Variants in TOB2 observed in about 807,000 individuals in gnomAD.
TOB2 encodes the protein protein Tob2.
TOB2 carries 3 observed loss-of-function variants against 17.3 expected under a neutral mutation model. That is an observed-to-expected ratio of 0.17 (90% CI 0.08 to 0.45). The LOEUF (loss-of-function observed/expected upper bound fraction) is 0.45, where lower values mean the gene tolerates loss of function less well. Among genes scored for constraint, TOB2 ranks in the 20% least tolerant of loss-of-function variants. The probability of loss-of-function intolerance (pLI) is 0.99; values close to 1 mark genes in which losing one functional copy is unlikely to be tolerated. For synonymous variants in TOB2, 163 were observed against 185.6 expected (o/e 0.88, Z 0.99); for missense variants, 407 against 445.7 (o/e 0.91, Z 0.78).
In TOB2 at chr22:41,436,184, T is replaced by C; in HGVS notation, c.*127A>G. On this transcript the variant is annotated 3_prime_UTR_variant, in exon 2 of 2. Coordinates refer to ENST00000327492, the MANE Select transcript of TOB2 (RefSeq NM_016272.4). The surrounding 1 kb of genome is among the most constrained non-coding windows in gnomAD (Gnocchi z 4.8). ...CCATTCCGTGCCTGGGCTGGATCTTTTTTCTAGAAGTAAGAGTGAGAAGAT... is the reference window on the plus strand; with the variant it reads ...CCATTCCGTGCCTGGGCTGGATCTTCTTTCTAGAAGTAAGAGTGAGAAGAT... 4.6e-6 allele frequency: 6 copies of C among 1,299,006 alleles called. No individual in the cohort carries two copies. Among genetic ancestry groups the C allele is most frequent in the Non-Finnish European group, 6.1e-6 (6 of 987,594 alleles). The allele number at this position is 1,299,006 out of a possible 1,614,324, so 80.5% of individuals were successfully genotyped here.
chr22:41,444,614 A>T (rs573069125), intron 1 of TOB2, among the ~76,000 whole-genome samples: 1 of 152,384 alleles, frequency 6.6e-6, no homozygotes, highest in African/African-American at 2.4e-5. Flanking sequence ...CCGAGGGTCG[A>T]AGAGCCCAGG....
intron 1 of TOB2, among the ~76,000 whole-genome samples, chr22:41,445,456 AG>A (rs1317603246): frequency 6.6e-6 from 1 of 152,218 alleles, no homozygotes; most frequent in African/African-American, 2.4e-5. Flanking sequence ...ACCCATTCCC[AG>A]GGTACGGTGG....
intron 1 of TOB2, among the ~76,000 whole-genome samples, chr22:41,444,506 T>C (rs945419843): frequency 2.0e-5 from 3 of 152,238 alleles, no homozygotes; most frequent in Non-Finnish European, 2.9e-5. Flanking sequence ...GACCAGGCGA[T>C]AGCAGGAGTG....
At chr22:41,443,216 G>A (rs891531512) in intron 1 of TOB2, among the ~76,000 whole-genome samples, 2 of 152,218 alleles carry the variant, frequency 1.3e-5, no homozygotes, top group Middle Eastern at 3.2e-3. Context: ...GCCTCAGTCA[G>A]TGCAGATTCC....
At chr22:41,443,666 C>A (rs897581854) in intron 1 of TOB2, among the ~76,000 whole-genome samples, 1 of 128,110 alleles carries the variant, frequency 7.8e-6, no homozygotes, top group African/African-American at 3.1e-5. Context: ...TTTTGTTGCC[C>A]AGGCTGGAGT....
chr22:41,445,957 C>G (rs1012400275), intron 1 of TOB2, among the ~76,000 whole-genome samples: 1 of 152,100 alleles, frequency 6.6e-6, no homozygotes, highest in Non-Finnish European at 1.5e-5. Flanking sequence ...TCCCTGCACA[C>G]GGGAAAAGAA....
At chr22:41,441,345 G>A (rs116642713) in intron 1 of TOB2, among the ~76,000 whole-genome samples, 5,613 of 150,150 alleles carry the variant, frequency 0.037, 322 homozygotes, top group African/African-American at 0.13. Context: ...ATAGTAGAAA[G>A]AATAAAGGGC....
At chr22:41,441,413 G>C (rs867174762) in intron 1 of TOB2, among the ~76,000 whole-genome samples, 6 of 152,042 alleles carry the variant, frequency 3.9e-5, no homozygotes, top group Admixed American at 1.3e-4. Context: ...CCAGAACCAT[G>C]AGCCTTCTCT....
At position 41,436,266 on chromosome 22, in the gene TOB2, T is replaced by C; in HGVS notation, c.*45A>G. ...CTTTTTTTTGGCCTTTCCTTTCTCT[T>C]TTCTGTGGTCTTGGGTGCTCCTGGC... On this transcript the variant is annotated 3_prime_UTR_variant, in exon 2 of 2. Coordinates refer to ENST00000327492, the MANE Select transcript of TOB2 (RefSeq NM_016272.4). The surrounding 1 kb of genome is among the most constrained non-coding windows in gnomAD (Gnocchi z 4.8). The C allele has an allele frequency of 6.7e-7, 1 of 1,497,282 alleles. No individual in the cohort carries two copies. The highest frequency in any genetic ancestry group is 8.9e-7 in the Non-Finnish European group (1 of 1,124,766). 92.7% of individuals were successfully genotyped at this position (1,497,282 alleles called of 1,614,324 possible). A position where few individuals can be genotyped will look rare whatever the true frequency, so the allele number is the denominator to read the frequency against.
Position 41,436,531 on chromosome 22 carries a change from A to G in TOB2, c.815T>C (p.Phe272Ser), listed in dbSNP as rs766451508. 58 of 1,611,518 alleles carry G rather than the reference A, an allele frequency of 3.6e-5. No individual in the cohort carries two copies. Among genetic ancestry groups the G allele is most frequent in the Non-Finnish European group, 4.8e-5 (56 of 1,178,858 alleles). Residue 272 changes from phenylalanine to serine, a missense_variant, in exon 2 of 2, where the codon TTT (phenylalanine) becomes TCT (serine). Transcript: ENST00000327492. This position sits in a 1 kb window ranked among gnomAD's most constrained non-coding sequence, Gnocchi z 4.8. ...YNGGGSPSLF[F>S]DAADGQGSGT... ...GCTGCCCTGGCCATCGGCCGCATCAAAGAAGAGGCTGGGTGAGCCACCACC... is the reference window on the plus strand; with the variant it reads ...GCTGCCCTGGCCATCGGCCGCATCAGAGAAGAGGCTGGGTGAGCCACCACC...
intron 1 of TOB2, among the ~76,000 whole-genome samples, chr22:41,439,704 T>C (rs898034740): frequency 1.3e-5 from 2 of 152,048 alleles, no homozygotes; most frequent in African/African-American, 4.8e-5. Flanking sequence ...TTAGTGGAGA[T>C]GGGGTTTCAC....
At position 41,446,681 on chromosome 22, in the gene TOB2, A is replaced by ACGGCAGACGGTATGGGCTGTCGC. The variant is rs1159481866; in HGVS notation, c.-388_-366dup. 3.3e-5 allele frequency: 5 copies of ACGGCAGACGGTATGGGCTGTCGC among 152,472 alleles called. No individual in the cohort carries two copies. Among genetic ancestry groups the ACGGCAGACGGTATGGGCTGTCGC allele is most frequent in the African/African-American group, 1.2e-4 (5 of 41,540 alleles). 9.4% of individuals were successfully genotyped at this position (152,472 alleles called of 1,614,324 possible). On this transcript the variant is annotated 5_prime_UTR_variant, in exon 1 of 2. Transcript: ENST00000327492. ...ATCGGAGGGTGGTTCGTGTCGCGCAACGGCAGACGGTATGGGCTGTCGCCG... is the reference window on the plus strand; with the variant it reads ...ATCGGAGGGTGGTTCGTGTCGCGCAACGGCAGACGGTATGGGCTGTCGCCGGCAGACGGTATGGGCTGTCGCCG...
intron 1 of TOB2, among the ~76,000 whole-genome samples, chr22:41,443,405 C>T (rs2037641445): frequency 6.6e-6 from 1 of 152,072 alleles, no homozygotes; most frequent in Non-Finnish European, 1.5e-5. Context: ...CTGCAACCTC[C>T]GCCTCCTGGG....
intron 1 of TOB2, among the ~76,000 whole-genome samples, chr22:41,438,426 C>G (rs1202336426): frequency 6.6e-6 from 1 of 151,496 alleles, no homozygotes; most frequent in Non-Finnish European, 1.5e-5. Context: ...GTCGGGAGTT[C>G]GAGACCAGCC....
chr22:41,446,603 G>T lies in TOB2; in HGVS notation c.-287C>A, dbSNP rs58347890. The T allele has an allele frequency of 0.012, 1,790 of 152,756 alleles. 39 individuals carry two copies. Among genetic ancestry groups the T allele is most frequent in the African/African-American group, 0.041 (1,708 of 41,160 alleles). 9.5% of individuals were successfully genotyped at this position (152,756 alleles called of 1,614,324 possible). A position where few individuals can be genotyped will look rare whatever the true frequency, so the allele number is the denominator to read the frequency against. ...CTCTTAGGAGGTCGGGCTCGGCAGC[G>T]GGGGGCCCGAGGGCGGGCGGGCGGA... On this transcript the variant is annotated 5_prime_UTR_variant, in exon 1 of 2. Coordinates refer to ENST00000327492, the MANE Select transcript of TOB2 (RefSeq NM_016272.4).
In TOB2 at chr22:41,435,143, T is replaced by C. The variant is rs1773893546; in HGVS notation, c.*1168A>G. On this transcript the variant is annotated 3_prime_UTR_variant, in exon 2 of 2. Transcript: ENST00000327492. ...GGGCTAAGGCCAAACAACAGGAGGG[T>C]TGAAGTCCAGGGACTTCTCATAGGC... 6.6e-6 allele frequency: 1 copy of C among 152,394 alleles called. No individual in the cohort carries two copies. 9.4% of individuals were successfully genotyped at this position (152,394 alleles called of 1,614,324 possible).
rs2037541610 is a variant in TOB2, at chr22:41,436,043, AAG to A, written c.*266_*267del. On this transcript the variant is annotated 3_prime_UTR_variant, in exon 2 of 2. Transcript: ENST00000327492. This position sits in a 1 kb window ranked among gnomAD's most constrained non-coding sequence, Gnocchi z 4.8. ...AGATGTTATATAGAAAACTACATGT[AAG>A]AAAAAAAAAAAAGAAAAAGAAATAT... The A allele has an allele frequency of 2.8e-6, 1 of 362,328 alleles. No individual in the cohort carries two copies. The highest frequency in any genetic ancestry group is 4.9e-6 in the Non-Finnish European group (1 of 202,900). The allele number at this position is 362,328 out of a possible 1,614,324, so 22.4% of individuals were successfully genotyped here. A position where few individuals can be genotyped will look rare whatever the true frequency, so the allele number is the denominator to read the frequency against.
chr22:41,442,238 G>A (rs559099726), intron 1 of TOB2, among the ~76,000 whole-genome samples: 3 of 152,188 alleles, frequency 2.0e-5, no homozygotes, highest in African/African-American at 7.2e-5. Context: ...TTCTCCCAAG[G>A]TACTGCATGG....
At chr22:41,442,533 C>T (rs2037631342) in intron 1 of TOB2, among the ~76,000 whole-genome samples, 1 of 152,188 alleles carries the variant, frequency 6.6e-6, no homozygotes, top group African/African-American at 2.4e-5. Context: ...GATGTTGCCG[C>T]ACAAATAAGG....
Sources: allele counts gnomAD v4.1 joint callset (sites outside exome capture counted in the v4.1 genomes callset), GRCh38; gene constraint gnomAD v4.1.1; non-coding constraint Gnocchi (gnomAD v3.1); transcripts MANE v1.5; gene names NCBI Gene and HGNC (gene_info 2026-07-23, HGNC 2026-07-21).